FAM120A: variants seen among roughly 807,000 people sequenced by gnomAD.
FAM120A encodes the protein constitutive coactivator of PPAR-gamma-like protein 1.
FAM120A carries 15 observed loss-of-function variants against 109.7 expected under a neutral mutation model. That is an observed-to-expected ratio of 0.14 (90% CI 0.09 to 0.21). The LOEUF (loss-of-function observed/expected upper bound fraction) is 0.21. Among genes scored for constraint, FAM120A ranks in the 10% least tolerant of loss-of-function variants. The pLI is 1.00. For missense variants in FAM120A, 899 were observed against 1,439.3 expected, an observed-to-expected ratio of 0.62 and a Z score of 6.07; for synonymous variants, 493 against 572.8, an observed-to-expected ratio of 0.86 and a Z score of 1.99.
At chr9:93,564,192 A>C (rs1310813047) in intron 17 of FAM120A, 37 bp from the exon 18 acceptor site, 23 of 1,578,850 alleles carry the variant, frequency 1.5e-5, no homozygotes, top group Non-Finnish European at 2.0e-5. Context: ...GTTTATCAGA[A>C]ACCACCTTCT....
chr9:93,494,535 C>T (rs999563715), intron 3 of FAM120A, among the ~76,000 whole-genome samples: 6 of 152,154 alleles, frequency 3.9e-5, no homozygotes, highest in Non-Finnish European at 8.8e-5. Context: ...TTGCCTGCTC[C>T]GGCTTTTCAT....
chr9:93,505,340 G>T (rs1482123459), intron 5 of FAM120A, among the ~76,000 whole-genome samples: 1 of 152,044 alleles, frequency 6.6e-6, no homozygotes, highest in Admixed American at 6.5e-5. Context: ...GATTACAGGC[G>T]TGAGCCACTG....
At chr9:93,463,925 C>T (rs1857901835) in intron 1 of FAM120A, among the ~76,000 whole-genome samples, 1 of 152,130 alleles carries the variant, frequency 6.6e-6, no homozygotes, top group Non-Finnish European at 1.5e-5. Context: ...TTGTCAAGCG[C>T]TTATTATTTG....
Position 93,489,853 on chromosome 9 carries a change from G to T in FAM120A, c.805-7618G>T, listed in dbSNP as rs532737534. ...CCTGCAGGGTGCATTTGGTGATTCT[G>T]TACCTTGCAGGGCTTGGTCAAAAGC... On this transcript the variant is annotated intron_variant, in intron 3 of 17. Coordinates refer to ENST00000277165, the MANE Select transcript of FAM120A (RefSeq NM_014612.5). Among the ~76,000 whole-genome samples, 6 of 152,292 alleles carry T rather than the reference G, an allele frequency of 3.9e-5. No homozygotes were observed. The East Asian group carries it at 7.7e-4, about 20-fold the overall frequency.
At position 93,557,917 on chromosome 9, in the gene FAM120A, C is replaced by T; in HGVS notation, c.2575C>T (p.Pro859Ser). The T allele has an allele frequency of 6.2e-7, 1 of 1,611,114 alleles. No homozygotes were observed. Among genetic ancestry groups the T allele is most frequent in the Non-Finnish European group, 8.5e-7 (1 of 1,179,974 alleles). Reference sequence around the variant, plus strand: ...GCAGAGCCACACGCTCCCTTTCCCGCCGCCACCTGCCCTGCCCTTCTACCC... The same window carrying T: ...GCAGAGCCACACGCTCCCTTTCCCGTCGCCACCTGCCCTGCCCTTCTACCC... ...SRQSHTLPFP[P>S]PPALPFYPAS... The change falls in exon 14 of 18, where the codon CCG (proline) becomes TCG (serine). Residue 859 changes from proline (P) to serine (S), a missense_variant. By Grantham distance (74) the Pro-to-Ser change is moderately conservative (BLOSUM62 -1). Coordinates refer to ENST00000277165, the MANE Select transcript of FAM120A (RefSeq NM_014612.5).
chr9:93,506,121 T>A (rs1860041763), intron 5 of FAM120A, among the ~76,000 whole-genome samples: 3 of 152,224 alleles, frequency 2.0e-5, no homozygotes, highest in Non-Finnish European at 2.9e-5. Context: ...ATTGGGGAAA[T>A]CTGCCCATGT....
At chr9:93,529,308 C>G (rs1407699519) in intron 8 of FAM120A, 45 bp from the exon 9 acceptor site, 1 of 1,496,154 alleles carries the variant, frequency 6.7e-7, no homozygotes, top group South Asian at 1.3e-5. Flanking sequence ...TGAATGAAAA[C>G]ATGACATACA....
intron 1 of FAM120A, among the ~76,000 whole-genome samples, chr9:93,467,090 T>C (rs982423929): frequency 6.6e-6 from 1 of 152,198 alleles, no homozygotes; most frequent in Non-Finnish European, 1.5e-5. Context: ...TTGATTTGTT[T>C]TTTCATTTGC....
intron 3 of FAM120A, among the ~76,000 whole-genome samples, chr9:93,476,614 G>T (rs933106743): frequency 4.6e-5 from 7 of 152,088 alleles, no homozygotes; most frequent in South Asian, 2.1e-4. Context: ...GGAAATCTTT[G>T]AGCTGATGTT....
chr9:93,458,802 T>TGCATAGATG (rs2131204732), intron 1 of FAM120A, among the ~76,000 whole-genome samples: 1 of 152,262 alleles, frequency 6.6e-6, no homozygotes, highest in East Asian at 1.9e-4. Context: ...TTGCACAGCT[T>TGCATAGATG]TGGCAGGGTA....
Position 93,561,193 on chromosome 9 carries a change from G to T in FAM120A, c.2891G>T (p.Arg964Leu), listed in dbSNP as rs764432382. 25 of 1,613,512 alleles carry T rather than the reference G, an allele frequency of 1.5e-5. No individual in the cohort carries two copies. Among genetic ancestry groups the T allele is most frequent in the Non-Finnish European group, 2.1e-5 (25 of 1,179,896 alleles). Residue 964 changes from arginine to leucine, a missense_variant, in exon 16 of 18, where the codon CGT (arginine) becomes CTT (leucine). Arg to Leu is a moderately radical substitution (Grantham distance 102). This residue lies in a region of FAM120A where 170 missense variants were observed against 205.0 expected (regional missense o/e 0.83). Transcript: ENST00000277165. ...VGHWAGSRRG[R>L]GGRGPFPLQV... ...CATTGGGCTGGGAGCAGGCGGGGCC[G>T]TGGGGGCCGGGGGCCTTTCCCCCTG...
In FAM120A at chr9:93,452,500, TC is replaced by T; in HGVS notation, c.474+116del. 2 of 1,545,766 alleles carry T rather than the reference TC, an allele frequency of 1.3e-6. No homozygotes were observed. Among genetic ancestry groups the T allele is most frequent in the Non-Finnish European group, 1.7e-6 (2 of 1,150,860 alleles). The stretch of plus-strand genomic sequence containing the variant: ...CGTGGCGGCGCTGGGGGCAGCGAGT[TC>T]CCCCAGCCCTTGCCCGGGATAGCCT... On this transcript the variant is annotated intron_variant, in intron 1 of 17. Coordinates refer to ENST00000277165, the MANE Select transcript of FAM120A (RefSeq NM_014612.5). This position sits in a 1 kb window ranked among gnomAD's most constrained non-coding sequence, Gnocchi z 7.0.
chr9:93,456,383 T>G (rs1857549093), intron 1 of FAM120A, among the ~76,000 whole-genome samples: 1 of 152,252 alleles, frequency 6.6e-6, no homozygotes, highest in Admixed American at 6.5e-5. Flanking sequence ...GGAATTTTGT[T>G]AAATAATGCT....
At chr9:93,562,706 C>G (rs576213717) in intron 17 of FAM120A, among the ~76,000 whole-genome samples, 33 of 149,348 alleles carry the variant, frequency 2.2e-4, no homozygotes, top group African/African-American at 7.9e-4. Context: ...GCTCTATTGC[C>G]CAGGCTGGAG....
chr9:93,493,981 T>C (rs1466648591), intron 3 of FAM120A, among the ~76,000 whole-genome samples: 4 of 152,224 alleles, frequency 2.6e-5, no homozygotes, highest in Non-Finnish European at 5.9e-5. Flanking sequence ...CTTCCTTCAA[T>C]TCCTAGCGGT....
intron 10 of FAM120A, among the ~76,000 whole-genome samples, chr9:93,537,540 A>T (rs1180230284): frequency 2.0e-5 from 3 of 152,192 alleles, no homozygotes; most frequent in Admixed American, 2.0e-4. Flanking sequence ...AAGCAGACAG[A>T]TAAAAATTAT....
At chr9:93,460,556 C>A (rs537752749) in intron 1 of FAM120A, among the ~76,000 whole-genome samples, 5 of 152,086 alleles carry the variant, frequency 3.3e-5, no homozygotes, top group African/African-American at 1.2e-4. Flanking sequence ...AGGCTGGTCT[C>A]GGACTCCTGA....
In FAM120A at chr9:93,539,083, C is replaced by T. The variant is rs147716427; in HGVS notation, c.1910-4139C>T. Among the ~76,000 whole-genome samples the T allele has an allele frequency of 3.6e-3, 552 of 151,760 alleles. 2 individuals are homozygous for T. Among genetic ancestry groups the T allele is most frequent in the Middle Eastern group, 6.9e-3 (2 of 290 alleles). ...CGCAATCTCGGCTCACTGCAAGCTCCGCCTCCTGGGTTGGCACCATTCTCC... is the reference window on the plus strand; with the variant it reads ...CGCAATCTCGGCTCACTGCAAGCTCTGCCTCCTGGGTTGGCACCATTCTCC... On this transcript the variant is annotated intron_variant, in intron 10 of 17. Coordinates refer to ENST00000277165, the MANE Select transcript of FAM120A (RefSeq NM_014612.5).
chr9:93,537,789 C>A (rs913290082), intron 10 of FAM120A, among the ~76,000 whole-genome samples: 1 of 152,160 alleles, frequency 6.6e-6, no homozygotes, highest in African/African-American at 2.4e-5. Context: ...ACAGAATAAT[C>A]AATATTATGG....
Sources: gnomAD v4.1 joint callset for allele counts (sites outside exome capture counted in the v4.1 genomes callset) on GRCh38, gnomAD v4.1.1 for gene constraint, gnomAD v4.1.1 regional missense constraint, Gnocchi (gnomAD v3.1) non-coding constraint, MANE v1.5 for transcripts, NCBI Gene and HGNC (gene_info 2026-07-23, HGNC 2026-07-21) for gene names.